ST6GAL1: variants seen among roughly 807,000 people sequenced by gnomAD.
ST6GAL1 encodes the protein ST6 beta-galactoside alpha-2,6-sialyltransferase 1, also known as beta-galactoside alpha-2,6-sialyltransferase 1.
In ST6GAL1, 20 loss-of-function variants were observed where a neutral mutation model predicts 38.0. That is an observed-to-expected ratio of 0.53 (90% confidence interval 0.37 to 0.77). ST6GAL1 has a LOEUF of 0.77. Ranked by LOEUF, ST6GAL1 falls within the 30% of genes least tolerant of loss-of-function variation. The pLI is 0.00. For synonymous variants in ST6GAL1, 196 were observed against 188.2 expected, an observed-to-expected ratio of 1.04 and a Z score of -0.34; for missense variants, 432 against 496.4, an observed-to-expected ratio of 0.87 and a Z score of 1.23.
chr3:186,974,226 C>T (rs984074352), intron 2 of ST6GAL1, among the ~76,000 whole-genome samples: 3 of 152,160 alleles, frequency 2.0e-5, no homozygotes, highest in Non-Finnish European at 4.4e-5. Flanking sequence ...CACCCCAGGG[C>T]CCTCACCCCG....
chr3:186,944,199 C>T (rs1714276549), intron 1 of ST6GAL1, among the ~76,000 whole-genome samples: 1 of 152,158 alleles, frequency 6.6e-6, no homozygotes, highest in African/African-American at 2.4e-5. Flanking sequence ...CTCAAAAGAT[C>T]CAGGTTTATT....
chr3:186,979,522 G>A (rs1715624244), intron 2 of ST6GAL1, among the ~76,000 whole-genome samples: 2 of 151,334 alleles, frequency 1.3e-5, no homozygotes, highest in South Asian at 2.1e-4. Flanking sequence ...AGGAGGGTAG[G>A]GGTAGAAGAG....
chr3:186,977,784 T>A (rs193200996), intron 2 of ST6GAL1, among the ~76,000 whole-genome samples: 20 of 152,312 alleles, frequency 1.3e-4, no homozygotes, highest in South Asian at 6.2e-4. Context: ...AATGAAGATA[T>A]TAATAATCAG....
intron 2 of ST6GAL1, among the ~76,000 whole-genome samples, chr3:186,972,698 T>C (rs1457236633): frequency 1.3e-5 from 2 of 152,078 alleles, no homozygotes; most frequent in African/African-American, 4.8e-5. Context: ...AAAAGTTGAT[T>C]GAATGCTGAA....
intron 1 of ST6GAL1, among the ~76,000 whole-genome samples, chr3:186,934,682 T>A (rs553329491): frequency 6.6e-6 from 1 of 152,332 alleles, no homozygotes; most frequent in African/African-American, 2.4e-5. Flanking sequence ...TTAAGTCACA[T>A]GATGCATTCT....
At chr3:186,933,326 C>G (rs540430698) in intron 1 of ST6GAL1, among the ~76,000 whole-genome samples, 2 of 152,298 alleles carry the variant, frequency 1.3e-5, no homozygotes, top group East Asian at 1.9e-4. Flanking sequence ...GGGGACCAAC[C>G]CGGTGTCCCC....
intron 2 of ST6GAL1, among the ~76,000 whole-genome samples, chr3:186,999,240 C>T (rs17719057): frequency 1.3e-5 from 2 of 152,152 alleles, no homozygotes; most frequent in African/African-American, 2.4e-5. Flanking sequence ...CCACTCGCCT[C>T]GTAGAAGGTG....
At chr3:186,937,213 T>G (rs34190794) in intron 1 of ST6GAL1, among the ~76,000 whole-genome samples, 1 of 151,848 alleles carries the variant, frequency 6.6e-6, no homozygotes, top group Non-Finnish European at 1.5e-5. Flanking sequence ...AAAGCTGTAT[T>G]CTTTCATTCG....
At chr3:187,024,493 TAG>T (rs61165191) in intron 2 of ST6GAL1, among the ~76,000 whole-genome samples, 1,192 of 85,732 alleles carry the variant, frequency 0.014, 11 homozygotes, top group East Asian at 0.043. Flanking sequence ...TATATATATA[TAG>T]AGAGAGAGAG....
intron 1 of ST6GAL1, among the ~76,000 whole-genome samples, chr3:186,960,330 G>A (rs1714890827): frequency 6.6e-6 from 1 of 152,138 alleles, no homozygotes; most frequent in Admixed American, 6.5e-5. Flanking sequence ...TAGAGTTGGG[G>A]GACAGTGCAG....
intron 2 of ST6GAL1, among the ~76,000 whole-genome samples, chr3:186,967,196 G>C (rs2108529045): frequency 6.6e-6 from 1 of 152,132 alleles, no homozygotes; most frequent in East Asian, 1.9e-4. Context: ...TTTTTTGTTT[G>C]TTCGTTTGTT....
At chr3:186,971,191 C>CG (rs1280546337) in intron 2 of ST6GAL1, among the ~76,000 whole-genome samples, 1 of 152,200 alleles carries the variant, frequency 6.6e-6, no homozygotes, top group African/African-American at 2.4e-5. Context: ...CGGGTTCAAG[C>CG]GATTCTTCTG....
At chr3:187,025,840 A>G (rs1717516288) in intron 2 of ST6GAL1, among the ~76,000 whole-genome samples, 1 of 152,146 alleles carries the variant, frequency 6.6e-6, no homozygotes, top group African/African-American at 2.4e-5. Flanking sequence ...CCCCCAACAA[A>G]GTTCTGTTCT....
At position 186,948,586 on chromosome 3, in the gene ST6GAL1, G is replaced by C. The variant is rs1714467081; in HGVS notation, c.-324-15199G>C. The stretch of plus-strand genomic sequence containing the variant: ...GTGTGTGTGTCTGTGTGTGTATGTG[G>C]TCGTTGGAGAGAGACCCAGGCTATT... On this transcript the variant is annotated intron_variant, in intron 1 of 7. Transcript: ENST00000169298. 3 of 150,288 alleles carry C rather than the reference G, an allele frequency of 2.0e-5. No individual in the cohort carries two copies. In the Admixed American group the frequency reaches 2.0e-4, roughly 10 times the overall value. 9.3% of individuals were successfully genotyped at this position (150,288 alleles called of 1,614,324 possible).
intron 2 of ST6GAL1, among the ~76,000 whole-genome samples, chr3:186,991,401 T>C (rs539520227): frequency 1.3e-5 from 2 of 152,126 alleles, no homozygotes; most frequent in East Asian, 3.9e-4. Flanking sequence ...TGTCTTGGGG[T>C]CTGTACAGGG....
chr3:187,013,081 C>T (rs1363961943), intron 2 of ST6GAL1, among the ~76,000 whole-genome samples: 2 of 152,204 alleles, frequency 1.3e-5, no homozygotes, highest in Non-Finnish European at 2.9e-5. Flanking sequence ...GTACCAGTCA[C>T]GAAGACTTCA....
In ST6GAL1 at chr3:187,047,006, CAT is replaced by C. The variant is rs1718319645; in HGVS notation, c.607+3697_607+3698del. ...TGTTGCCCAGGCTGGAGTGCAGTGG[CAT>C]GATCTCGGCTCACTGCAAGCTCCGC... On this transcript the variant is annotated intron_variant, in intron 4 of 7. Transcript: ENST00000169298. 2.6e-5 allele frequency among the ~76,000 whole-genome samples: 4 copies of C among 152,266 alleles called. No individual in the cohort carries two copies. The East Asian group carries it at 7.7e-4, about 29-fold the overall frequency.
intron 2 of ST6GAL1, among the ~76,000 whole-genome samples, chr3:186,999,322 T>C (rs2108551527): frequency 6.6e-6 from 1 of 152,150 alleles, no homozygotes; most frequent in Non-Finnish European, 1.5e-5. Context: ...GGGTGCTGAA[T>C]AAATGTGTTT....
intron 2 of ST6GAL1, among the ~76,000 whole-genome samples, chr3:187,010,395 T>A (rs1336202792): frequency 2.0e-5 from 3 of 152,278 alleles, no homozygotes; most frequent in Non-Finnish European, 4.4e-5. Flanking sequence ...TGACATTGAA[T>A]CCCCAGCCTG....
Sources: allele counts gnomAD v4.1 joint callset (sites outside exome capture counted in the v4.1 genomes callset), GRCh38; gene constraint gnomAD v4.1.1; transcripts MANE v1.5; gene names NCBI Gene and HGNC (gene_info 2026-07-23, HGNC 2026-07-21).